ATXN1: variants seen among roughly 807,000 people sequenced by gnomAD.
The protein encoded by ATXN1 is ataxin 1, also known as ataxin-1.
In ATXN1, 8 loss-of-function variants were observed where a neutral mutation model predicts 56.4. That is an observed-to-expected ratio of 0.14 (90% CI 0.08 to 0.26). The LOEUF is 0.26. Among genes scored for constraint, ATXN1 ranks in the 10% least tolerant of loss-of-function variants. The probability of loss-of-function intolerance (pLI) is 1.00; values close to 1 mark genes in which losing one functional copy is unlikely to be tolerated. For synonymous variants in ATXN1, 514 were observed against 494.6 expected, an observed-to-expected ratio of 1.04 and a Z score of -0.52; for missense variants, 987 against 1,106.5, an observed-to-expected ratio of 0.89 and a Z score of 1.53.
chr6:16,584,996 G>C (rs1762597646), intron 4 of ATXN1, among the ~76,000 whole-genome samples: 1 of 152,118 alleles, frequency 6.6e-6, no homozygotes, highest in South Asian at 2.1e-4. Flanking sequence ...ACTTTGGGAG[G>C]CTGAGGTGGG....
chr6:16,327,754 C>A lies in ATXN1; in HGVS notation c.557G>T (p.Ser186Ile), dbSNP rs775114261. 3.9e-5 allele frequency: 62 copies of A among 1,608,608 alleles called. No individual in the cohort carries two copies. Among genetic ancestry groups the A allele is most frequent in the Non-Finnish European group, 5.3e-5 (62 of 1,179,682 alleles). ...CTTGTGTCCCGGCGTCTGGCTCAGACTGCCCATGTTGGCCAGCAGAGTGGA... is the reference window on the plus strand; with the variant it reads ...CTTGTGTCCCGGCGTCTGGCTCAGAATGCCCATGTTGGCCAGCAGAGTGGA... ...AYSTLLANMGSLSQTPGHKAE... is the reference protein window; with the variant it reads ...AYSTLLANMGILSQTPGHKAE... The change falls in exon 7 of 8, where the codon AGT (serine) becomes ATT (isoleucine). Residue 186 changes from serine to isoleucine, a missense_variant. Coordinates refer to ENST00000436367, the MANE Select transcript of ATXN1 (RefSeq NM_001128164.2).
chr6:16,631,194 G>A (rs773672723), intron 3 of ATXN1, among the ~76,000 whole-genome samples: 13 of 152,186 alleles, frequency 8.5e-5, no homozygotes, highest in African/African-American at 1.7e-4. Flanking sequence ...TCTTAAAGAC[G>A]ATAAATTATG....
chr6:16,387,676 T>C (rs942810751), intron 6 of ATXN1, among the ~76,000 whole-genome samples: 7 of 152,230 alleles, frequency 4.6e-5, no homozygotes, highest in Non-Finnish European at 2.9e-5. Flanking sequence ...TGCTTCGTTA[T>C]GAAACACTGC....
chr6:16,423,280 T>C (rs150169396), intron 6 of ATXN1, among the ~76,000 whole-genome samples: 91 of 152,332 alleles, frequency 6.0e-4, no homozygotes, highest in African/African-American at 2.1e-3. Flanking sequence ...GGTCTCATGA[T>C]ATAAATGAAG....
At chr6:16,695,086 C>T (rs1276971858) in intron 2 of ATXN1, among the ~76,000 whole-genome samples, 1 of 152,072 alleles carries the variant, frequency 6.6e-6, no homozygotes, top group Non-Finnish European at 1.5e-5. Context: ...AGTGGTGGCT[C>T]TTGGGCACCA....
At chr6:16,578,712 A>AC (rs1232022131) in intron 4 of ATXN1, among the ~76,000 whole-genome samples, 6 of 151,944 alleles carry the variant, frequency 3.9e-5, no homozygotes, top group Non-Finnish European at 7.3e-5. Flanking sequence ...ATGTGCCAGC[A>AC]CAGCCTGATA....
chr6:16,627,441 G>C (rs1295397892), intron 3 of ATXN1, among the ~76,000 whole-genome samples: 1 of 152,048 alleles, frequency 6.6e-6, no homozygotes, highest in African/African-American at 2.4e-5. Context: ...TAAAGACAGG[G>C]TCCTCGGCCA....
intron 3 of ATXN1, among the ~76,000 whole-genome samples, chr6:16,624,361 A>G (rs868336550): frequency 0.02 from 3,013 of 151,762 alleles, 42 homozygotes; most frequent in Non-Finnish European, 0.031. Flanking sequence ...CAAGAAAAAA[A>G]AAAAAAAAAA....
rs80133275 is a variant in ATXN1 at position 16,499,722 on chromosome 6, C to A, written c.-298-13613G>T. ...TAATTCATGCCAAATCGTGTATAAC[C>A]AAGAGAAATAATAGACTTTTGGCAT... On this transcript the variant is annotated intron_variant, in intron 5 of 7. Coordinates refer to ENST00000436367, the MANE Select transcript of ATXN1 (RefSeq NM_001128164.2). Among the ~76,000 whole-genome samples the A allele has an allele frequency of 3.7e-4, 56 of 152,182 alleles. 1 individual carries two copies. In the East Asian group the frequency reaches 0.01, roughly 27 times the overall value.
intron 1 of ATXN1, among the ~76,000 whole-genome samples, chr6:16,755,959 A>G (rs2113542978): frequency 1.3e-5 from 2 of 152,298 alleles, no homozygotes; most frequent in South Asian, 2.1e-4. Flanking sequence ...AACATGAAAT[A>G]TGTCAAACAA....
intron 2 of ATXN1, among the ~76,000 whole-genome samples, chr6:16,732,011 A>G (rs1041625658): frequency 2.0e-5 from 3 of 152,192 alleles, no homozygotes; most frequent in Non-Finnish European, 2.9e-5. Context: ...TTAAACCGGC[A>G]ACACTCATGC....
Position 16,734,321 on chromosome 6 carries a change from C to T in ATXN1, c.-615+18912G>A, listed in dbSNP as rs114974805. On this transcript the variant is annotated intron_variant, in intron 2 of 7. Coordinates refer to ENST00000436367, the MANE Select transcript of ATXN1 (RefSeq NM_001128164.2). ...CACTAGTCATGACACTGGGCATCCC[C>T]GCAAGGAACGCTCGCCTTCACTTTT... 2.3e-3 allele frequency among the ~76,000 whole-genome samples: 349 copies of T among 152,182 alleles called. 1 individual carries two copies. Among genetic ancestry groups the T allele is most frequent in the African/African-American group, 8.2e-3 (341 of 41,520 alleles).
chr6:16,757,738 C>G (rs12194640), intron 1 of ATXN1, among the ~76,000 whole-genome samples: 12,151 of 151,362 alleles, frequency 0.08, 644 homozygotes, highest in East Asian at 0.2. Flanking sequence ...TTTCAAATAC[C>G]AGGGTTATGA....
intron 6 of ATXN1, among the ~76,000 whole-genome samples, chr6:16,456,163 G>A (rs1188891544): frequency 6.6e-6 from 1 of 152,166 alleles, no homozygotes; most frequent in East Asian, 1.9e-4. Flanking sequence ...ATCTTTAAGA[G>A]CTGTAACACT....
intron 4 of ATXN1, among the ~76,000 whole-genome samples, chr6:16,546,276 A>C (rs915050007): frequency 4.6e-5 from 7 of 152,220 alleles, no homozygotes; most frequent in African/African-American, 1.4e-4. Context: ...CAGAACTGTA[A>C]TTTCATCCCT....
chr6:16,402,242 G>GTTTTTTTTTTTTT (rs58048762), intron 6 of ATXN1, among the ~76,000 whole-genome samples: 1 of 62,118 alleles, frequency 1.6e-5, no homozygotes, highest in African/African-American at 6.7e-5. Flanking sequence ...ACCACTGACA[G>GTTTTTTTTTTTTT]TTTTTTTTTT....
At chr6:16,428,648 G>A (rs966805747) in intron 6 of ATXN1, among the ~76,000 whole-genome samples, 7 of 152,088 alleles carry the variant, frequency 4.6e-5, no homozygotes, top group African/African-American at 9.7e-5. Flanking sequence ...GAGAGTTTCA[G>A]CACTTACCCC....
chr6:16,568,169 A>T (rs565660177), intron 4 of ATXN1, among the ~76,000 whole-genome samples: 1 of 152,366 alleles, frequency 6.6e-6, no homozygotes, highest in Admixed American at 6.5e-5. Context: ...AGATTTTCAT[A>T]GCCATGAATC....
At position 16,526,062 on chromosome 6, in the gene ATXN1, T is replaced by TATAC. The variant is rs1465888646; in HGVS notation, c.-360-3378_-360-3375dup. ...AAATCTATATATATATATATATATA[T>TATAC]ATACATACATACAATCTATTTATAA... is the stretch of plus-strand genomic sequence containing the variant. On this transcript the variant is annotated intron_variant, in intron 4 of 7. Coordinates refer to ENST00000436367, the MANE Select transcript of ATXN1 (RefSeq NM_001128164.2). Among the ~76,000 whole-genome samples, 37 of 90,978 alleles carry TATAC rather than the reference T, an allele frequency of 4.1e-4. No individual in the cohort carries two copies. In the East Asian group the frequency reaches 8.7e-3, roughly 21 times the overall value. The allele number at this position is 90,978 out of a possible 152,430, so 59.7% of individuals were successfully genotyped here.
Sources: gnomAD v4.1 joint callset for allele counts (sites outside exome capture counted in the v4.1 genomes callset) on GRCh38, gnomAD v4.1.1 for gene constraint, MANE v1.5 for transcripts, NCBI Gene and HGNC (gene_info 2026-07-23, HGNC 2026-07-21) for gene names.